The following TFG variants were observed in gnomAD, a reference collection of about 807,000 sequenced individuals.
TFG encodes the protein trafficking from ER to golgi regulator.
TFG carries 22 observed loss-of-function variants against 51.4 expected under a neutral mutation model. The observed-to-expected ratio is 0.43, with a 90% CI of 0.31 to 0.61. The LOEUF (loss-of-function observed/expected upper bound fraction) is 0.61. Among genes scored for constraint, TFG ranks in the 20% least tolerant of loss-of-function variants. TFG has a pLI of 0.12. For synonymous variants in TFG, 187 were observed against 165.6 expected (o/e 1.13, Z -0.99); for missense variants, 419 against 487.7 (o/e 0.86, Z 1.33).
chr3:100,716,128 A>G (rs140040665), intron 2 of TFG, among the ~76,000 whole-genome samples: 6 of 152,262 alleles, frequency 3.9e-5, no homozygotes, highest in African/African-American at 1.2e-4. Flanking sequence ...TGTTAACTGT[A>G]GTCATCCTAT....
intron 6 of TFG, among the ~76,000 whole-genome samples, chr3:100,740,886 A>G (rs2095119473): frequency 6.6e-6 from 1 of 152,202 alleles, no homozygotes; most frequent in Non-Finnish European, 1.5e-5. Flanking sequence ...CATTTCAGTC[A>G]ACAGTGGACT....
chr3:100,710,314 CTG>C (rs2095026939), intron 1 of TFG: 1 of 152,260 alleles, frequency 6.6e-6, no homozygotes, highest in African/African-American at 2.4e-5. Context: ...TTTGGATGCA[CTG>C]TCTCATTTAA....
intron 6 of TFG, 45 bp from the exon 7 acceptor site, chr3:100,744,788 T>C (rs775968930): frequency 7.5e-7 from 1 of 1,340,504 alleles, no homozygotes; most frequent in Non-Finnish European, 1.1e-6. Context: ...CTTTGCCACA[T>C]TAAACATGCC....
chr3:100,727,707 A>T (rs2095079787), intron 3 of TFG, among the ~76,000 whole-genome samples: 1 of 152,246 alleles, frequency 6.6e-6, no homozygotes, highest in African/African-American at 2.4e-5. Flanking sequence ...CTTTCATTAA[A>T]AAATCACAAC....
intron 3 of TFG, 146 bp from the exon 4 acceptor site, chr3:100,728,566 T>C (rs1428592269): frequency 3.9e-5 from 25 of 641,986 alleles, no homozygotes; most frequent in Non-Finnish European, 5.9e-5. Context: ...GAGAATTCTT[T>C]TTTTTTAAAA....
rs77118429 is a variant in TFG at position 100,728,742 on chromosome 3, G to A, written c.299G>A (p.Ser100Asn). 27 of 1,610,930 alleles carry A rather than the reference G, an allele frequency of 1.7e-5. No homozygotes were observed. In the South Asian group the frequency reaches 1.9e-4, roughly 11 times the overall value. ...GGCCAGCCAAGACCCCTTGAATCAA[G>A]TCAGGTGAAATATCTCCGTCGAGAA... ...VNGQPRPLESSQVKYLRRELI... is the reference protein window; with the variant it reads ...VNGQPRPLESNQVKYLRRELI... Residue 100 changes from serine (S) to asparagine (N), a missense_variant, in exon 4 of 8, where the codon AGT (serine) becomes AAT (asparagine). Around this residue, in one of 3 missense-constraint regions of TFG, gnomAD observed 391 missense variants for 434.4 expected, o/e 0.90. Transcript: ENST00000240851.
rs3796275 is a variant in TFG at position 100,747,134 on chromosome 3, G to C, written c.821-1015G>C. Among the ~76,000 whole-genome samples, 65 of 152,262 alleles carry C rather than the reference G, an allele frequency of 4.3e-4. No homozygotes were observed. In the East Asian group the frequency reaches 0.013, roughly 29 times the overall value. On this transcript the variant is annotated intron_variant, in intron 7 of 7. Coordinates refer to ENST00000240851, the MANE Select transcript of TFG (RefSeq NM_006070.6). ...TCTATTAACTTGAATTTGATTGAGA[G>C]ATATGGAAATAGTCAACTAAATACT...
chr3:100,717,634 A>C (rs2095049969), intron 2 of TFG, among the ~76,000 whole-genome samples: 2 of 131,090 alleles, frequency 1.5e-5, no homozygotes, highest in Admixed American at 1.6e-4. Flanking sequence ...TGCTTCCTAG[A>C]TATTTAAAAA....
intron 2 of TFG, among the ~76,000 whole-genome samples, chr3:100,714,913 A>G (rs560196123): frequency 6.6e-6 from 1 of 152,254 alleles, no homozygotes; most frequent in Non-Finnish European, 1.5e-5. Context: ...TTATAGTAGT[A>G]GACTGTATTT....
intron 4 of TFG, among the ~76,000 whole-genome samples, chr3:100,731,595 C>A (rs539928640): frequency 6.6e-6 from 1 of 152,236 alleles, no homozygotes; most frequent in East Asian, 1.9e-4. Context: ...CATTTCCGCC[C>A]CTCCTGTTAC....
intron 3 of TFG, among the ~76,000 whole-genome samples, chr3:100,722,014 AGTGGT>A (rs1234976535): frequency 6.6e-6 from 1 of 152,110 alleles, no homozygotes. Flanking sequence ...AGCCAGCTGT[AGTGGT>A]GTGTGCCTGT....
intron 4 of TFG, among the ~76,000 whole-genome samples, chr3:100,731,374 G>A (rs1047158146): frequency 1.3e-5 from 2 of 152,140 alleles, no homozygotes; most frequent in Admixed American, 6.5e-5. Context: ...ATAAATGCCT[G>A]TGGAATATCT....
intron 5 of TFG, among the ~76,000 whole-genome samples, chr3:100,733,071 T>G (rs1445223173): frequency 6.6e-6 from 1 of 152,244 alleles, no homozygotes; most frequent in Non-Finnish European, 1.5e-5. Context: ...AATTGAAAAT[T>G]AAATGTAGAT....
At chr3:100,715,454 TAGTCC>T (rs1213633472) in intron 2 of TFG, among the ~76,000 whole-genome samples, 1 of 152,214 alleles carries the variant, frequency 6.6e-6, no homozygotes, top group Non-Finnish European at 1.5e-5. Flanking sequence ...TTGGGAAGTA[TAGTCC>T]CTGGCTGAGC....
intron 2 of TFG, among the ~76,000 whole-genome samples, chr3:100,718,963 T>C (rs1302250699): frequency 6.6e-6 from 1 of 152,158 alleles, no homozygotes; most frequent in East Asian, 1.9e-4. Flanking sequence ...GTTTCTGTTG[T>C]AGGATTCAGA....
intron 1 of TFG, among the ~76,000 whole-genome samples, chr3:100,712,023 A>G (rs184910095): frequency 6.6e-6 from 1 of 152,334 alleles, no homozygotes; most frequent in East Asian, 1.9e-4. Flanking sequence ...CTTATTTTGC[A>G]TTAAGATAAG....
chr3:100,730,533 A>G (rs540748916), intron 4 of TFG, among the ~76,000 whole-genome samples: 1 of 152,296 alleles, frequency 6.6e-6, no homozygotes, highest in South Asian at 2.1e-4. Flanking sequence ...ATATTTTTAG[A>G]GATAGTTCTT....
At chr3:100,734,389 T>TA (rs2095100733) in intron 5 of TFG, among the ~76,000 whole-genome samples, 1 of 152,116 alleles carries the variant, frequency 6.6e-6, no homozygotes, top group South Asian at 2.1e-4. Flanking sequence ...ACAGAGTGTA[T>TA]ATACCTAGAT....
intron 4 of TFG, among the ~76,000 whole-genome samples, chr3:100,730,761 T>C (rs2095089353): frequency 6.6e-6 from 1 of 152,150 alleles, no homozygotes; most frequent in Non-Finnish European, 1.5e-5. Context: ...CTACCTTAGA[T>C]AGAAGATTGA....
Sources: allele counts gnomAD v4.1 joint callset (sites outside exome capture counted in the v4.1 genomes callset), GRCh38; gene constraint gnomAD v4.1.1; regional missense constraint gnomAD v4.1.1; transcripts MANE v1.5; gene names NCBI Gene and HGNC (gene_info 2026-07-23, HGNC 2026-07-21).